Variants in FRYL observed in about 807,000 individuals in gnomAD.
The protein encoded by FRYL is protein furry homolog-like.
A neutral mutation model predicts 351.2 loss-of-function variants in FRYL; 150 were observed. The ratio of observed to expected loss-of-function variants is 0.43; its 90% CI spans 0.37 to 0.49. FRYL has a LOEUF of 0.49. Ranked by LOEUF, FRYL falls within the 20% of genes least tolerant of loss-of-function variation. The probability of loss-of-function intolerance (pLI) is 0.00; values close to 1 mark genes in which losing one functional copy is unlikely to be tolerated. For synonymous variants in FRYL, 1,153 were observed against 1,257.1 expected (o/e 0.92, Z 1.75); for missense variants, 3,036 against 3,619.3 (o/e 0.84, Z 4.13).
rs1159694668 is a variant in FRYL, at chr4:48,564,076, A to G, written c.3468T>C (p.Val1156=). The change falls in exon 31 of 64, where the codon GTT becomes GTC. Residue 1156 remains valine (V), a synonymous_variant. Transcript: ENST00000358350. ...CAGGGTTCAGCTCCAGTAACAACGT[A>G]ACTGCTTCACAGCCCAGCTGGTGAA... The part of the protein sequence containing the change: ...KKVHQLGCEA[V]TLLLELNPDQ... 5 of 1,614,144 alleles carry G rather than the reference A, an allele frequency of 3.1e-6. No individual in the cohort carries two copies. The highest frequency in any genetic ancestry group is 4.2e-6 in the Non-Finnish European group (5 of 1,180,010).
At chr4:48,563,089 T>C in intron 31 of FRYL, 101 bp from the exon 32 acceptor site, 1 of 706,084 alleles carries the variant, frequency 1.4e-6, no homozygotes, top group Non-Finnish European at 2.4e-6. Context: ...TAGGCATCTA[T>C]CTTCTAAGCC....
At chr4:48,595,092 A>T (rs1430105582) in intron 15 of FRYL, among the ~76,000 whole-genome samples, 1 of 152,232 alleles carries the variant, frequency 6.6e-6, no homozygotes, top group Non-Finnish European at 1.5e-5. Context: ...CAGATGCAGC[A>T]TGATTCTGAA....
At chr4:48,652,839 T>G (rs80241320) in intron 3 of FRYL, among the ~76,000 whole-genome samples, 193 of 152,300 alleles carry the variant, frequency 1.3e-3, no homozygotes, top group African/African-American at 4.3e-3. Flanking sequence ...AGCAGCACAG[T>G]TGGGAGCAAA....
intron 55 of FRYL, among the ~76,000 whole-genome samples, chr4:48,520,838 C>T (rs1724756269): frequency 6.6e-6 from 1 of 152,182 alleles, no homozygotes; most frequent in Non-Finnish European, 1.5e-5. Flanking sequence ...ATTAAAAACA[C>T]TCAAGATTAT....
At chr4:48,548,849 G>A in intron 39 of FRYL, 56 bp from the exon 40 acceptor site, 1 of 995,416 alleles carries the variant, frequency 1.0e-6, no homozygotes. Flanking sequence ...AACCTAGAGA[G>A]AATTTGGTAC....
chr4:48,580,803 T>C (rs1370072981), intron 22 of FRYL, 62 bp downstream of exon 22: 1 of 1,000,246 alleles, frequency 1.0e-6, no homozygotes, highest in Non-Finnish European at 1.6e-6. Context: ...TGTACATGTA[T>C]ACATATGTGT....
intron 7 of FRYL, among the ~76,000 whole-genome samples, chr4:48,616,252 G>A (rs1241206959): frequency 2.0e-5 from 3 of 151,734 alleles, no homozygotes; most frequent in Non-Finnish European, 2.9e-5. Flanking sequence ...TTCACCTAAT[G>A]TATCACATAT....
chr4:48,718,974 C>T (rs1357655384), intron 1 of FRYL, among the ~76,000 whole-genome samples: 1 of 151,520 alleles, frequency 6.6e-6, no homozygotes, highest in Non-Finnish European at 1.5e-5. Context: ...GCCATTTGCA[C>T]TCTGACCCCA....
At chr4:48,557,841 T>C in intron 33 of FRYL, 129 bp from the exon 34 acceptor site, 1 of 1,034,388 alleles carries the variant, frequency 9.7e-7, no homozygotes, top group Non-Finnish European at 1.4e-6. Flanking sequence ...TTATGAGTAT[T>C]GTTTTTCCTT....
rs1254519294 is a variant in FRYL at position 48,606,486 on chromosome 4, T to C, written c.693A>G (p.Val231=). The change falls in exon 10 of 64, where the codon GTA becomes GTG. Residue 231 remains valine, a synonymous_variant. Transcript: ENST00000358350. ...SLIMGMKFFR[V]KMYPVEDFEA... is the part of the protein sequence containing the mutation. ...CAAAATCTTCTACAGGATACATTTT[T>C]ACTCGAAAAAATTTCATTCCCATTA... The C allele has an allele frequency of 6.2e-7, 1 of 1,612,888 alleles. No homozygotes were observed. Among genetic ancestry groups the C allele is most frequent in the Admixed American group, 1.7e-5 (1 of 60,014 alleles).
chr4:48,757,989 GA>G (rs1773977229), intron 1 of FRYL, among the ~76,000 whole-genome samples: 1 of 152,158 alleles, frequency 6.6e-6, no homozygotes, highest in African/African-American at 2.4e-5. Flanking sequence ...ATGGAGAAAG[GA>G]TTCCCTATTT....
intron 4 of FRYL, among the ~76,000 whole-genome samples, chr4:48,624,232 C>G (rs1200775095): frequency 1.3e-5 from 2 of 152,014 alleles, no homozygotes; most frequent in Non-Finnish European, 2.9e-5. Context: ...TATCACATAC[C>G]AGAATATTTT....
intron 3 of FRYL, among the ~76,000 whole-genome samples, chr4:48,659,088 C>T (rs1412724571): frequency 6.6e-6 from 1 of 152,054 alleles, no homozygotes; most frequent in Non-Finnish European, 1.5e-5. Context: ...CAGTGGCTCA[C>T]GCCTGTAATC....
At chr4:48,692,359 G>A (rs1365274437) in intron 2 of FRYL, among the ~76,000 whole-genome samples, 8 of 151,938 alleles carry the variant, frequency 5.3e-5, no homozygotes, top group Admixed American at 5.2e-4. Flanking sequence ...GAGTTATCTA[G>A]GACAAGTTAG....
chr4:48,742,825 G>GT (rs1291959754), intron 1 of FRYL, among the ~76,000 whole-genome samples: 1 of 149,056 alleles, frequency 6.7e-6, no homozygotes, highest in Non-Finnish European at 1.5e-5. Context: ...TTGTTTTTTT[G>GT]TTTTTTGTTT....
At chr4:48,754,917 C>T (rs1184323710) in intron 1 of FRYL, among the ~76,000 whole-genome samples, 1 of 152,142 alleles carries the variant, frequency 6.6e-6, no homozygotes, top group Non-Finnish European at 1.5e-5. Flanking sequence ...GCTGGGATTA[C>T]AGGCGTGAGC....
At chr4:48,743,696 T>G (rs568701027) in intron 1 of FRYL, among the ~76,000 whole-genome samples, 1 of 152,286 alleles carries the variant, frequency 6.6e-6, no homozygotes, top group South Asian at 2.1e-4. Flanking sequence ...TTATATGAGA[T>G]TAACACTTAA....
chr4:48,748,842 T>G (rs544722527), intron 1 of FRYL, among the ~76,000 whole-genome samples: 1 of 152,134 alleles, frequency 6.6e-6, no homozygotes, highest in South Asian at 2.1e-4. Context: ...AGTGGCCAAG[T>G]GTGGGAGATG....
rs755417849 is a variant in FRYL, at chr4:48,542,013, G to A, written c.5687+14C>T. 8 of 1,586,880 alleles carry A rather than the reference G, an allele frequency of 5.0e-6. No individual in the cohort carries two copies. In the Admixed American group the frequency reaches 1.3e-4, roughly 26 times the overall value. On this transcript the variant is annotated intron_variant, in intron 45 of 63. Transcript: ENST00000358350. ...AGTTCTCTCTATATTAGGTTGCCTG[G>A]TTTAAATTCTTACTGAGAAAGGGCA...
Sources: gnomAD v4.1 joint callset for allele counts (sites outside exome capture counted in the v4.1 genomes callset) on GRCh38, gnomAD v4.1.1 for gene constraint, MANE v1.5 for transcripts, NCBI Gene and HGNC (gene_info 2026-07-23, HGNC 2026-07-21) for gene names.